DOK6: variants seen among roughly 807,000 people sequenced by gnomAD.
DOK6 encodes the protein downstream of tyrosine kinase 6.
DOK6 carries 22 observed loss-of-function variants against 44.0 expected under a neutral mutation model. That is an observed-to-expected ratio of 0.50 (90% CI 0.36 to 0.71). The LOEUF is 0.71. DOK6 is among the 30% of genes least tolerant of loss of function. DOK6 has a pLI of 0.00. For missense variants in DOK6, 340 were observed against 416.4 expected (o/e 0.82, Z 1.60); for synonymous variants, 166 against 145.5 (o/e 1.14, Z -1.01).
chr18:69,583,672 T>A (rs543195041), intron 2 of DOK6, among the ~76,000 whole-genome samples: 2 of 150,366 alleles, frequency 1.3e-5, no homozygotes, highest in South Asian at 4.2e-4. Context: ...ATCCCAGCCC[T>A]GTAAGAGGCT....
chr18:69,803,316 A>G (rs938326709), intron 7 of DOK6, among the ~76,000 whole-genome samples: 2 of 152,164 alleles, frequency 1.3e-5, no homozygotes, highest in Non-Finnish European at 2.9e-5. Context: ...ACATTTGATA[A>G]TGGTTTCCCA....
At position 69,502,206 on chromosome 18, in the gene DOK6, A is replaced by G. The variant is rs143480858; in HGVS notation, c.67-62281A>G. ...AAAGCATGATAATATCATTTATCATAGAAGTTTGATAATTATTATTGTTGG... is the reference window on the plus strand; with the variant it reads ...AAAGCATGATAATATCATTTATCATGGAAGTTTGATAATTATTATTGTTGG... On this transcript the variant is annotated intron_variant, in intron 1 of 7. Transcript: ENST00000382713. 1.9e-3 allele frequency among the ~76,000 whole-genome samples: 294 copies of G among 152,240 alleles called. 1 individual carries two copies. The highest frequency in any genetic ancestry group is 6.8e-3 in the African/African-American group (283 of 41,560).
intron 4 of DOK6, among the ~76,000 whole-genome samples, chr18:69,682,139 C>T (rs1329606339): frequency 6.6e-6 from 1 of 152,164 alleles, no homozygotes; most frequent in African/African-American, 2.4e-5. Flanking sequence ...AACATGCTTC[C>T]TACATTCAAC....
intron 1 of DOK6, among the ~76,000 whole-genome samples, chr18:69,464,104 T>C (rs1036553595): frequency 3.3e-5 from 5 of 152,192 alleles, no homozygotes. Flanking sequence ...ATCCTGGGCT[T>C]TAAACATAAT....
At chr18:69,751,068 A>G (rs1979160668) in intron 6 of DOK6, among the ~76,000 whole-genome samples, 2 of 152,234 alleles carry the variant, frequency 1.3e-5, no homozygotes, top group South Asian at 4.1e-4. Flanking sequence ...AACTCATAAA[A>G]GTAGAAAGTA....
At chr18:69,691,670 G>T (rs1986271229) in intron 4 of DOK6, among the ~76,000 whole-genome samples, 1 of 152,148 alleles carries the variant, frequency 6.6e-6, no homozygotes, top group Non-Finnish European at 1.5e-5. Flanking sequence ...ATCAGCAACT[G>T]GACAAGATAC....
At chr18:69,514,941 A>G (rs1371828871) in intron 1 of DOK6, among the ~76,000 whole-genome samples, 1 of 151,892 alleles carries the variant, frequency 6.6e-6, no homozygotes, top group African/African-American at 2.4e-5. Flanking sequence ...GACTGATTAG[A>G]GGCTCTGTTC....
intron 4 of DOK6, among the ~76,000 whole-genome samples, chr18:69,681,316 T>C (rs1055422775): frequency 2.6e-5 from 4 of 152,222 alleles, no homozygotes; most frequent in African/African-American, 9.6e-5. Flanking sequence ...CTTCTCTTCT[T>C]GTGTTTTCCT....
intron 1 of DOK6, among the ~76,000 whole-genome samples, chr18:69,541,003 G>C (rs1982253876): frequency 6.6e-6 from 1 of 152,062 alleles, no homozygotes; most frequent in Non-Finnish European, 1.5e-5. Context: ...TTTGAGTGGG[G>C]GAGGAAGAAA....
chr18:69,544,138 A>G lies in DOK6; in HGVS notation c.67-20349A>G, dbSNP rs369789637. The stretch of plus-strand genomic sequence containing the variant: ...CCAGGTGTGGTGGCGTGCATCTGTA[A>G]TCACAGCTATGTGGGAGGCTGAGGC... On this transcript the variant is annotated intron_variant, in intron 1 of 7. Coordinates refer to ENST00000382713, the MANE Select transcript of DOK6 (RefSeq NM_152721.6). Among the ~76,000 whole-genome samples the G allele has an allele frequency of 2.7e-5, 4 of 150,942 alleles. No individual in the cohort carries two copies. The East Asian group carries it at 5.8e-4, about 22-fold the overall frequency.
rs200254307 is a variant in DOK6 at position 69,736,458 on chromosome 18, GA to G, written c.600-2499del. On this transcript the variant is annotated intron_variant, in intron 5 of 7. Transcript: ENST00000382713. Reference sequence around the variant, plus strand: ...TTATCCAACATCCTATTTTAGATAAGAAAAAAAACATTCATTTTGTACAAAG... The same window carrying G: ...TTATCCAACATCCTATTTTAGATAAGAAAAAAACATTCATTTTGTACAAAG... Among the ~76,000 whole-genome samples the G allele has an allele frequency of 5.4e-3, 820 of 151,684 alleles. 4 individuals are homozygous for G. The highest frequency in any genetic ancestry group is 0.017 in the African/African-American group (712 of 41,398).
At chr18:69,646,984 GCTATCTAATCTAT>G (rs1985090371) in intron 3 of DOK6, among the ~76,000 whole-genome samples, 2 of 151,742 alleles carry the variant, frequency 1.3e-5, no homozygotes, top group South Asian at 2.1e-4. Flanking sequence ...AATCTATCTA[GCTATCTAATCTAT>G]CTATCTAATC....
intron 3 of DOK6, among the ~76,000 whole-genome samples, chr18:69,614,938 T>C (rs1310082503): frequency 6.6e-6 from 1 of 152,110 alleles, no homozygotes; most frequent in African/African-American, 2.4e-5. Flanking sequence ...AGGGGCTCAC[T>C]TTCTGCTTAA....
chr18:69,824,681 A>C (rs532766101), intron 7 of DOK6, among the ~76,000 whole-genome samples: 20 of 152,310 alleles, frequency 1.3e-4, no homozygotes, highest in African/African-American at 4.6e-4. Context: ...TTTTAACAAA[A>C]ATCGTTTACA....
chr18:69,810,635 C>A (rs190054587), intron 7 of DOK6, among the ~76,000 whole-genome samples: 68 of 151,666 alleles, frequency 4.5e-4, no homozygotes, highest in African/African-American at 1.4e-3. Flanking sequence ...AAACAAATAA[C>A]CTGATTTTTT....
intron 3 of DOK6, among the ~76,000 whole-genome samples, chr18:69,628,302 C>A (rs1373247168): frequency 1.3e-5 from 2 of 152,074 alleles, no homozygotes; most frequent in East Asian, 3.9e-4. Flanking sequence ...ACCAGCCTGG[C>A]AAACTTGGTG....
intron 5 of DOK6, among the ~76,000 whole-genome samples, chr18:69,726,024 T>C (rs1034853315): frequency 2.0e-5 from 3 of 152,142 alleles, no homozygotes; most frequent in Non-Finnish European, 4.4e-5. Flanking sequence ...GGGGAGAATT[T>C]GATTGTCTCA....
At chr18:69,437,169 C>A (rs1165022384) in intron 1 of DOK6, among the ~76,000 whole-genome samples, 1 of 152,160 alleles carries the variant, frequency 6.6e-6, no homozygotes, top group Non-Finnish European at 1.5e-5. Context: ...AATTAGATCC[C>A]ATTTGTCAAT....
intron 3 of DOK6, among the ~76,000 whole-genome samples, chr18:69,629,976 G>A (rs989440395): frequency 2.0e-5 from 3 of 151,920 alleles, no homozygotes; most frequent in Non-Finnish European, 4.4e-5. Context: ...GCGTTGGCCA[G>A]GCTGATGTCG....
Sources: gnomAD v4.1 joint callset for allele counts (sites outside exome capture counted in the v4.1 genomes callset) on GRCh38, gnomAD v4.1.1 for gene constraint, MANE v1.5 for transcripts, NCBI Gene and HGNC (gene_info 2026-07-23, HGNC 2026-07-21) for gene names.